Variants in CATSPERG observed in about 807,000 individuals in gnomAD.
CATSPERG encodes the protein cation channel sperm-associated auxiliary subunit gamma.
Under a neutral mutation model 145.0 loss-of-function variants are expected in CATSPERG, and 115 were observed. The ratio of observed to expected loss-of-function variants is 0.79; its 90% CI spans 0.68 to 0.93. The LOEUF (loss-of-function observed/expected upper bound fraction) is 0.93, where lower values mean the gene tolerates loss of function less well. Among genes scored for constraint, CATSPERG ranks in the 40% least tolerant of loss-of-function variants. The pLI, the probability that CATSPERG is intolerant of heterozygous loss-of-function variation, is 0.00. For synonymous variants in CATSPERG, 588 were observed against 589.0 expected (o/e 1.00, Z 0.02); for missense variants, 1,296 against 1,490.1 (o/e 0.87, Z 2.14).
Position 38,346,548 on chromosome 19 carries a change from C to T in CATSPERG, c.768C>T (p.Pro256=). ...QSPVLILGGI[P]NEKYVLMTDT... Reference sequence around the variant, plus strand: ...CTGTGCTTATCCTGGGAGGCATTCCCAATGAGAAGTACGTCCTGATGACTG... The same window carrying T: ...CTGTGCTTATCCTGGGAGGCATTCCTAATGAGAAGTACGTCCTGATGACTG... The change falls in exon 7 of 29, where the codon CCC becomes CCT. Residue 256 remains proline (P), a synonymous_variant. Transcript: ENST00000409235. 1 of 1,551,654 alleles carries T rather than the reference C, an allele frequency of 6.4e-7. No individual in the cohort carries two copies. Among genetic ancestry groups the T allele is most frequent in the Non-Finnish European group, 8.7e-7 (1 of 1,146,958 alleles).
chr19:38,339,674 A>C (rs1405070959), intron 3 of CATSPERG, among the ~76,000 whole-genome samples: 1 of 151,728 alleles, frequency 6.6e-6, no homozygotes, highest in African/African-American at 2.4e-5. Context: ...TTTTTGTGTC[A>C]TTTACAAAGG....
In CATSPERG at chr19:38,351,813, G is replaced by A. The variant is rs537347944; in HGVS notation, c.826-448G>A. Among the ~76,000 whole-genome samples, 3 of 152,128 alleles carry A rather than the reference G, an allele frequency of 2.0e-5. No homozygotes were observed. In the East Asian group the frequency reaches 5.8e-4, roughly 29 times the overall value. Reference sequence around the variant, plus strand: ...TCTCTTGCCAGCTACTCGGGAGACTGAGGTGGGAGGATCGTTCGAGCCCAG... The same window carrying A: ...TCTCTTGCCAGCTACTCGGGAGACTAAGGTGGGAGGATCGTTCGAGCCCAG... On this transcript the variant is annotated intron_variant, in intron 7 of 28. Coordinates refer to ENST00000409235, the MANE Select transcript of CATSPERG (RefSeq NM_021185.5).
In CATSPERG at chr19:38,364,952, A is replaced by G. The variant is rs368761760; in HGVS notation, c.2537A>G (p.Glu846Gly). 1 of 1,613,998 alleles carries G rather than the reference A, an allele frequency of 6.2e-7. No homozygotes were observed. The change falls in exon 21 of 29, where the codon GAG becomes GGG. Residue 846 changes from glutamate (E) to glycine (G), a missense_variant. Transcript: ENST00000409235. Reference protein sequence around the residue: ...DQGISGHHLMETSMTVNVVGS... With the variant: ...DQGISGHHLMGTSMTVNVVGS... ...GGCATTAGTGGACATCACCTTATGG[A>G]GACTTCCATGACGGTCAATGTGAGG... is the stretch of plus-strand genomic sequence containing the variant.
Position 38,362,759 on chromosome 19 carries a change from T to G in CATSPERG, c.2402T>G (p.Leu801Arg). 3.1e-6 allele frequency: 5 copies of G among 1,613,770 alleles called. No homozygotes were observed. The highest frequency in any genetic ancestry group is 4.2e-6 in the Non-Finnish European group (5 of 1,179,886). Residue 801 changes from leucine (L) to arginine (R), a missense_variant, in exon 20 of 29, where the codon CTG becomes CGG. Leu to Arg is a moderately radical substitution (Grantham distance 102). Transcript: ENST00000409235. ...LHSQVDVGVV[L>R]ADPGCIEASV... ...AGCCAGGTGGACGTGGGCGTGGTGC[T>G]GGCCGACCCCGGCTGCATCGAGGCC...
intron 26 of CATSPERG, chr19:38,369,349 C>T (rs1490271896): frequency 5.9e-6 from 1 of 168,080 alleles, no homozygotes; most frequent in Non-Finnish European, 1.3e-5. Flanking sequence ...CAACCTCTGC[C>T]TCTTGGGTTC....
At chr19:38,338,297 T>C (rs1042247304) in intron 3 of CATSPERG, among the ~76,000 whole-genome samples, 2 of 152,118 alleles carry the variant, frequency 1.3e-5, no homozygotes, top group African/African-American at 2.4e-5. Context: ...TACAGGCGCC[T>C]GCCACCACGC....
rs746970093 is a variant in CATSPERG at position 38,356,490 on chromosome 19, A to G, written c.1142A>G (p.Gln381Arg). The G allele has an allele frequency of 3.7e-6, 6 of 1,613,882 alleles. No individual in the cohort carries two copies. Among genetic ancestry groups the G allele is most frequent in the Non-Finnish European group, 5.1e-6 (6 of 1,179,980 alleles). ...ACCCGACCTTGCTCTGCAGATGGCC[A>G]GGTGTCCTTTGAGATGCTGCCCAGG... ...YVHFGTIRDG[Q>R]VSFEMLPRQW... is the part of the protein sequence containing the mutation. Residue 381 changes from glutamine (Q) to arginine (R), a missense_variant, in exon 10 of 29, where the codon CAG becomes CGG. Transcript: ENST00000409235.
chr19:38,355,087 G>A (rs1054435910), intron 9 of CATSPERG, among the ~76,000 whole-genome samples: 2 of 152,206 alleles, frequency 1.3e-5, no homozygotes, highest in African/African-American at 4.8e-5. Flanking sequence ...GCTCATGCCT[G>A]TAATCCCAGC....
Position 38,370,579 on chromosome 19 carries a change from C to T in CATSPERG, c.3267C>T (p.Leu1089=). 6.2e-7 allele frequency: 1 copy of T among 1,614,186 alleles called. No homozygotes were observed. Residue 1089 remains leucine, a synonymous_variant, in exon 29 of 29, where the codon CTC becomes CTT. Coordinates refer to ENST00000409235, the MANE Select transcript of CATSPERG (RefSeq NM_021185.5). The part of the protein sequence containing the change: ...GLVIFYIAFC[L]LWPLVVKGCT... ...TGATCTTCTACATCGCCTTCTGCCT[C>T]CTGTGGCCCCTCGTGGTGAAGGGCT...
At chr19:38,368,247 C>A (rs1568384589) in intron 26 of CATSPERG, 110 bp downstream of exon 26, 1 of 879,016 alleles carries the variant, frequency 1.1e-6, no homozygotes. Flanking sequence ...ACACTGACTG[C>A]CTTTGTGTTA....
chr19:38,353,052 A>G (rs915603424), intron 8 of CATSPERG, among the ~76,000 whole-genome samples: 1 of 135,456 alleles, frequency 7.4e-6, no homozygotes, highest in African/African-American at 2.7e-5. Flanking sequence ...AAAAAAAAAA[A>G]GCTGGGCATG....
intron 3 of CATSPERG, among the ~76,000 whole-genome samples, chr19:38,340,475 C>T (rs1969918780): frequency 6.6e-6 from 1 of 151,906 alleles, no homozygotes; most frequent in South Asian, 2.1e-4. Flanking sequence ...TGTGCGCCAC[C>T]ACGCCCGGCT....
At chr19:38,341,920 TA>T (rs989020144) in intron 3 of CATSPERG, among the ~76,000 whole-genome samples, 8 of 150,440 alleles carry the variant, frequency 5.3e-5, no homozygotes, top group Admixed American at 2.0e-4. Context: ...AAATAAAAAA[TA>T]AAAAAATTAG....
At chr19:38,360,687 G>C in intron 15 of CATSPERG, 40 bp downstream of exon 15, 3 of 1,614,046 alleles carry the variant, frequency 1.9e-6, no homozygotes, top group Non-Finnish European at 2.5e-6. Context: ...GGGCACCCCA[G>C]GAGGGCTGAC....
intron 11 of CATSPERG, 124 bp downstream of exon 11, chr19:38,356,985 C>T: frequency 3.9e-6 from 5 of 1,270,400 alleles, no homozygotes; most frequent in Non-Finnish European, 5.5e-6. Flanking sequence ...TGTGTCACTC[C>T]TGGTTGAGGA....
At position 38,367,074 on chromosome 19, in the gene CATSPERG, G is replaced by A. The variant is rs574505989; in HGVS notation, c.2614-82G>A. The stretch of plus-strand genomic sequence containing the variant: ...CTGGTGGTGGTGTTTGTGGGAGGGG[G>A]ACTGTCCTTCCTGCCCCTTACCCCT... On this transcript the variant is annotated intron_variant, in intron 22 of 28. Coordinates refer to ENST00000409235, the MANE Select transcript of CATSPERG (RefSeq NM_021185.5). The A allele has an allele frequency of 9.1e-6, 12 of 1,324,134 alleles. No homozygotes were observed. In the South Asian group the frequency reaches 1.6e-4, roughly 18 times the overall value. The allele number at this position is 1,324,134 out of a possible 1,614,324, so 82.0% of individuals were successfully genotyped here.
intron 13 of CATSPERG, 146 bp from the exon 14 acceptor site, chr19:38,359,324 G>A: frequency 1.9e-6 from 1 of 531,304 alleles, no homozygotes; most frequent in Admixed American, 2.5e-5. Context: ...AAGGGTTTGG[G>A]GTGGGGGGCG....
In CATSPERG at chr19:38,344,101, C is replaced by T. The variant is rs1232692038; in HGVS notation, c.578C>T (p.Thr193Ile). Residue 193 changes from threonine to isoleucine, a missense_variant, in exon 5 of 29, where the codon ACC becomes ATC. Physicochemically the swap from Thr to Ile is moderately conservative, Grantham distance 89 (BLOSUM62 -1). Transcript: ENST00000409235. ...GACATCAGCAGCAATGGCCTGGGGA[C>T]CTTCATTCCAGATAAAAGGTACCCT... Reference protein sequence around the residue: ...RVDISSNGLGTFIPDKRFQMN... With the variant: ...RVDISSNGLGIFIPDKRFQMN... The T allele has an allele frequency of 3.2e-6, 5 of 1,551,582 alleles. No homozygotes were observed. Among genetic ancestry groups the T allele is most frequent in the East Asian group, 4.9e-5 (2 of 40,914 alleles).
intron 6 of CATSPERG, among the ~76,000 whole-genome samples, chr19:38,346,235 T>A (rs1970039531): frequency 1.3e-5 from 2 of 151,978 alleles, no homozygotes; most frequent in Admixed American, 6.6e-5. Flanking sequence ...GGCCCTGAGG[T>A]GGGCATGTTC....
Sources: gnomAD v4.1 joint callset for allele counts (sites outside exome capture counted in the v4.1 genomes callset) on GRCh38, gnomAD v4.1.1 for gene constraint, MANE v1.5 for transcripts, NCBI Gene and HGNC (gene_info 2026-07-23, HGNC 2026-07-21) for gene names.